GLRB: variants seen among roughly 807,000 people sequenced by gnomAD.
GLRB encodes glycine receptor subunit beta.
Under a neutral mutation model 54.2 loss-of-function variants are expected in GLRB, and 33 were observed. The observed-to-expected ratio is 0.61, with a 90% CI of 0.46 to 0.81. GLRB has a LOEUF of 0.81. Ranked by LOEUF, GLRB falls within the 40% of genes least tolerant of loss-of-function variation. GLRB has a pLI of 0.00. For synonymous variants in GLRB, 209 were observed against 208.2 expected (o/e 1.00, Z -0.03); for missense variants, 572 against 584.6 (o/e 0.98, Z 0.22).
intron 2 of GLRB, among the ~76,000 whole-genome samples, chr4:157,091,799 G>A (rs555528957): frequency 6.6e-6 from 1 of 152,148 alleles, no homozygotes; most frequent in Admixed American, 6.5e-5. Context: ...GGTGTTCCTG[G>A]GCAGCCTGAT....
intron 7 of GLRB, among the ~76,000 whole-genome samples, chr4:157,142,892 T>C (rs1015886250): frequency 2.0e-5 from 3 of 152,192 alleles, no homozygotes; most frequent in Admixed American, 6.5e-5. Flanking sequence ...ATATTATATT[T>C]AAATAGTTAA....
chr4:157,110,649 A>T, intron 2 of GLRB, among the ~76,000 whole-genome samples: 1 of 151,866 alleles, frequency 6.6e-6, no homozygotes. Context: ...GTTTTATTTT[A>T]TTCCTTTGTT....
intron 2 of GLRB, among the ~76,000 whole-genome samples, chr4:157,105,525 T>TG (rs1034334917): frequency 6.6e-6 from 1 of 152,098 alleles, no homozygotes; most frequent in Non-Finnish European, 1.5e-5. Flanking sequence ...GTATTTTTTT[T>TG]TATATTTGGT....
chr4:157,165,951 A>C (rs749683989), intron 9 of GLRB, among the ~76,000 whole-genome samples: 1 of 152,034 alleles, frequency 6.6e-6, no homozygotes, highest in Non-Finnish European at 1.5e-5. Context: ...ATTCCCTCTG[A>C]ACATATTTTA....
In GLRB at chr4:157,120,042, G is replaced by A. The variant is rs533575680; in HGVS notation, c.123-514G>A. ...ATGTGGCACATATACACCATGGAAT[G>A]CTATGCAGCCATAAAAAATGGTGAG... On this transcript the variant is annotated intron_variant, in intron 2 of 9. Transcript: ENST00000264428. 3.8e-3 allele frequency among the ~76,000 whole-genome samples: 570 copies of A among 151,670 alleles called. 1 individual carries two copies. Among genetic ancestry groups the A allele is most frequent in the African/African-American group, 0.013 (542 of 41,430 alleles).
intron 2 of GLRB, among the ~76,000 whole-genome samples, chr4:157,083,444 G>A (rs762804986): frequency 2.6e-5 from 4 of 152,092 alleles, no homozygotes; most frequent in African/African-American, 4.8e-5. Flanking sequence ...GAGGGAGGTA[G>A]TGAAGTTCAT....
intron 8 of GLRB, among the ~76,000 whole-genome samples, chr4:157,151,450 A>G (rs996481302): frequency 3.3e-5 from 5 of 152,072 alleles, no homozygotes; most frequent in African/African-American, 9.7e-5. Context: ...TTAAAATACA[A>G]TTCTCTTAAT....
intron 9 of GLRB, among the ~76,000 whole-genome samples, chr4:157,165,548 A>C (rs1489542836): frequency 6.6e-6 from 1 of 151,988 alleles, no homozygotes; most frequent in Non-Finnish European, 1.5e-5. Flanking sequence ...TTAAATGATA[A>C]TGTATAGCTT....
intron 2 of GLRB, among the ~76,000 whole-genome samples, chr4:157,080,803 T>C (rs1248744619): frequency 6.6e-6 from 1 of 152,106 alleles, no homozygotes; most frequent in African/African-American, 2.4e-5. Flanking sequence ...TTTTTTTTTT[T>C]TGAGTAGAGT....
At chr4:157,155,895 C>A (rs1447242203) in intron 9 of GLRB, among the ~76,000 whole-genome samples, 1 of 151,806 alleles carries the variant, frequency 6.6e-6, no homozygotes, top group Non-Finnish European at 1.5e-5. Context: ...CTTGCCCTCT[C>A]TCTTCTCTTT....
intron 4 of GLRB, among the ~76,000 whole-genome samples, chr4:157,130,853 T>C (rs1017804555): frequency 2.6e-5 from 4 of 151,740 alleles, no homozygotes; most frequent in Admixed American, 6.6e-5. Flanking sequence ...GACAGACTTA[T>C]AGTGAAGACA....
rs1737134450 is a variant in GLRB, at chr4:157,154,198, C to A, written c.1197+1188C>A. 4.6e-5 allele frequency among the ~76,000 whole-genome samples: 7 copies of A among 152,224 alleles called. 1 individual carries two copies. In the South Asian group the frequency reaches 1.5e-3, roughly 32 times the overall value. On this transcript the variant is annotated intron_variant, in intron 9 of 9. Coordinates refer to ENST00000264428, the MANE Select transcript of GLRB (RefSeq NM_000824.5). ...ATGTCCTTAATATATCTTTTTCATA[C>A]TTCTACATCCATTATTTCTATATCA...
Position 157,144,520 on chromosome 4 carries a change from T to C in GLRB, c.904+561T>C, listed in dbSNP as rs368849211. ...ATACCACCAGCCAGTCTTTTGAAAA[T>C]TGTGTCTGTATAATGGCTAAAAAGC... is the stretch of plus-strand genomic sequence containing the variant. On this transcript the variant is annotated intron_variant, in intron 8 of 9. Coordinates refer to ENST00000264428, the MANE Select transcript of GLRB (RefSeq NM_000824.5). 2.4e-4 allele frequency among the ~76,000 whole-genome samples: 37 copies of C among 152,260 alleles called. No individual in the cohort carries two copies. The South Asian group carries it at 7.5e-3, about 31-fold the overall frequency.
chr4:157,157,259 G>A (rs1049528785), intron 9 of GLRB, among the ~76,000 whole-genome samples: 2 of 152,166 alleles, frequency 1.3e-5, no homozygotes, highest in Non-Finnish European at 2.9e-5. Flanking sequence ...AGGGATCAGG[G>A]CCTTGTTACT....
At chr4:157,145,682 C>T (rs996262334) in intron 8 of GLRB, among the ~76,000 whole-genome samples, 4 of 151,830 alleles carry the variant, frequency 2.6e-5, no homozygotes, top group Non-Finnish European at 5.9e-5. Context: ...GAAACAGGCA[C>T]CAAATAAATA....
At chr4:157,110,449 A>G (rs1735376595) in intron 2 of GLRB, among the ~76,000 whole-genome samples, 1 of 151,432 alleles carries the variant, frequency 6.6e-6, no homozygotes, top group Non-Finnish European at 1.5e-5. Context: ...TGAATTTTTT[A>G]GTTTATTATA....
At chr4:157,114,439 C>A (rs1451524454) in intron 2 of GLRB, among the ~76,000 whole-genome samples, 4 of 151,416 alleles carry the variant, frequency 2.6e-5, no homozygotes, top group African/African-American at 7.3e-5. Context: ...ATACCCTGCA[C>A]CTAATTTTCT....
intron 2 of GLRB, among the ~76,000 whole-genome samples, chr4:157,095,168 A>G (rs1306532007): frequency 6.6e-6 from 1 of 152,058 alleles, no homozygotes. Context: ...TTATGTGTTC[A>G]AACCACAGCA....
In GLRB at chr4:157,143,967, G is replaced by A; in HGVS notation, c.904+8G>A. ...CTGCCAGAGTGCCCCTGGGTAAGGTGTTCCATGCTTTTTTGTCACATCAGG... is the reference window on the plus strand; with the variant it reads ...CTGCCAGAGTGCCCCTGGGTAAGGTATTCCATGCTTTTTTGTCACATCAGG... On this transcript the variant is annotated splice_region_variant and intron_variant, in intron 8 of 9. Coordinates refer to ENST00000264428, the MANE Select transcript of GLRB (RefSeq NM_000824.5). 1 of 1,613,290 alleles carries A rather than the reference G, an allele frequency of 6.2e-7. No homozygotes were observed.
Sources: gnomAD v4.1 joint callset for allele counts (sites outside exome capture counted in the v4.1 genomes callset) on GRCh38, gnomAD v4.1.1 for gene constraint, MANE v1.5 for transcripts, NCBI Gene and HGNC (gene_info 2026-07-23, HGNC 2026-07-21) for gene names.